Variants in ANKS1B observed in about 807,000 individuals in gnomAD.
The protein encoded by ANKS1B is ankyrin repeat and sterile alpha motif domain-containing protein 1B.
ANKS1B carries 36 observed loss-of-function variants against 148.3 expected under a neutral mutation model. That is an observed-to-expected ratio of 0.24 (90% CI 0.19 to 0.32). The LOEUF is 0.32. Ranked by LOEUF, ANKS1B falls within the 10% of genes least tolerant of loss-of-function variation. The pLI is 1.00. For synonymous variants in ANKS1B, 542 were observed against 560.8 expected (o/e 0.97, Z 0.47); for missense variants, 1,157 against 1,542.6 (o/e 0.75, Z 4.19).
intron 17 of ANKS1B, among the ~76,000 whole-genome samples, chr12:98,993,271 G>A (rs1362777799): frequency 6.6e-6 from 1 of 152,130 alleles, no homozygotes; most frequent in Non-Finnish European, 1.5e-5. Flanking sequence ...AGGTTCCAGC[G>A]ATTCATACAC....
chr12:99,612,370 G>A (rs555897914), intron 9 of ANKS1B, among the ~76,000 whole-genome samples: 1 of 152,168 alleles, frequency 6.6e-6, no homozygotes, highest in Admixed American at 6.5e-5. Flanking sequence ...ACAGTTCTAA[G>A]CACTTTCTAT....
intron 9 of ANKS1B, among the ~76,000 whole-genome samples, chr12:99,590,212 T>C (rs1458952670): frequency 6.6e-6 from 1 of 151,570 alleles, no homozygotes; most frequent in African/African-American, 2.4e-5. Flanking sequence ...ATGTGTTTAT[T>C]TTCAGTGCTC....
intron 15 of ANKS1B, among the ~76,000 whole-genome samples, chr12:99,147,415 T>C (rs1258879201): frequency 6.6e-6 from 1 of 152,062 alleles, no homozygotes; most frequent in Non-Finnish European, 1.5e-5. Context: ...GAAAATCAGT[T>C]TGGGCCAGGT....
intron 17 of ANKS1B, among the ~76,000 whole-genome samples, chr12:98,972,124 T>C (rs1038819536): frequency 1.4e-4 from 21 of 152,174 alleles, no homozygotes; most frequent in Non-Finnish European, 2.9e-4. Context: ...GCCAAGATTG[T>C]GCCACTGCAC....
chr12:99,287,538 A>G (rs2079307635), intron 12 of ANKS1B, among the ~76,000 whole-genome samples: 1 of 152,196 alleles, frequency 6.6e-6, no homozygotes, highest in Non-Finnish European at 1.5e-5. Context: ...CATTCAGGAA[A>G]ACATGACCTC....
chr12:99,465,921 C>A (rs1339051200), intron 10 of ANKS1B, among the ~76,000 whole-genome samples: 1 of 152,100 alleles, frequency 6.6e-6, no homozygotes, highest in Non-Finnish European at 1.5e-5. Context: ...AGGAATTGAA[C>A]CCAGCTCTGC....
rs570785129 is a variant in ANKS1B, at chr12:99,590,359, A to G, written c.1272+64708T>C. ...CCTTACTCTATGGAGTTGCCGGTCT[A>G]ATGGGGAAGGTACATTTAACAAGTA... On this transcript the variant is annotated intron_variant, in intron 9 of 26. Transcript: ENST00000683438. Among the ~76,000 whole-genome samples the G allele has an allele frequency of 2.0e-5, 3 of 151,706 alleles. No individual in the cohort carries two copies. The East Asian group carries it at 5.9e-4, about 30-fold the overall frequency.
At chr12:99,789,857 A>G (rs2065436708) in intron 4 of ANKS1B, among the ~76,000 whole-genome samples, 1 of 152,194 alleles carries the variant, frequency 6.6e-6, no homozygotes, top group African/African-American at 2.4e-5. Context: ...ACCTGCTTTC[A>G]AGATCTAGAC....
intron 17 of ANKS1B, among the ~76,000 whole-genome samples, chr12:98,955,397 G>C (rs1017580478): frequency 2.6e-5 from 4 of 152,122 alleles, no homozygotes; most frequent in Admixed American, 1.3e-4. Context: ...GTTTGAAGTA[G>C]AAGGAGCTTG....
At chr12:99,393,131 C>T (rs199582943) in intron 12 of ANKS1B, among the ~76,000 whole-genome samples, 6 of 112,568 alleles carry the variant, frequency 5.3e-5, no homozygotes, top group South Asian at 5.9e-4. Flanking sequence ...GATAGATAGA[C>T]AGATAGATCT....
At chr12:99,445,129 G>C (rs1257401885) in intron 10 of ANKS1B, among the ~76,000 whole-genome samples, 4 of 152,000 alleles carry the variant, frequency 2.6e-5, no homozygotes, top group African/African-American at 7.2e-5. Flanking sequence ...CATCACAAAA[G>C]AGATGGGGTG....
intron 17 of ANKS1B, among the ~76,000 whole-genome samples, chr12:98,848,613 C>G (rs944218611): frequency 6.7e-6 from 1 of 150,092 alleles, no homozygotes; most frequent in East Asian, 2.0e-4. Flanking sequence ...GGCTGGAGTA[C>G]AGTGGCATGA....
intron 17 of ANKS1B, among the ~76,000 whole-genome samples, chr12:99,039,805 C>A (rs370984403): frequency 1.3e-5 from 2 of 152,366 alleles, no homozygotes; most frequent in Non-Finnish European, 2.9e-5. Context: ...TCGTCCTCTG[C>A]AGTTTTAATC....
At chr12:99,480,636 A>G (rs1010273437) in intron 10 of ANKS1B, among the ~76,000 whole-genome samples, 1 of 151,908 alleles carries the variant, frequency 6.6e-6, no homozygotes, top group African/African-American at 2.4e-5. Context: ...CTCATGTCAC[A>G]TGACTTACCT....
At chr12:98,943,067 T>C (rs142532242) in intron 17 of ANKS1B, among the ~76,000 whole-genome samples, 1 of 152,334 alleles carries the variant, frequency 6.6e-6, no homozygotes. Context: ...GCAAATACAA[T>C]TCCTGTTTCC....
At chr12:99,780,046 G>T in intron 5 of ANKS1B, 74 bp from the exon 6 acceptor site, 2 of 1,067,800 alleles carry the variant, frequency 1.9e-6, no homozygotes, top group Non-Finnish European at 2.8e-6. Flanking sequence ...CTATCTAACT[G>T]CTGTAATTTC....
chr12:99,675,602 G>A (rs1567619304), intron 8 of ANKS1B, among the ~76,000 whole-genome samples: 5 of 151,606 alleles, frequency 3.3e-5, no homozygotes, highest in Non-Finnish European at 1.5e-5. Flanking sequence ...AATTCAGAAT[G>A]CTTTTATAAT....
intron 17 of ANKS1B, among the ~76,000 whole-genome samples, chr12:99,031,296 TC>T (rs1296584815): frequency 3.9e-5 from 6 of 152,230 alleles, no homozygotes; most frequent in Admixed American, 1.3e-4. Context: ...TGTGGATTTG[TC>T]ATTTAATTGC....
intron 14 of ANKS1B, among the ~76,000 whole-genome samples, chr12:99,189,344 G>A (rs896067144): frequency 6.6e-6 from 1 of 152,170 alleles, no homozygotes; most frequent in Non-Finnish European, 1.5e-5. Context: ...CTCATTTTAT[G>A]AGACCAGCAT....
Sources: gnomAD v4.1 joint callset for allele counts (sites outside exome capture counted in the v4.1 genomes callset) on GRCh38, gnomAD v4.1.1 for gene constraint, MANE v1.5 for transcripts, NCBI Gene and HGNC (gene_info 2026-07-23, HGNC 2026-07-21) for gene names.